Variants in PCDH7 observed in about 807,000 individuals in gnomAD.
The protein encoded by PCDH7 is protocadherin 7.
In PCDH7, 17 loss-of-function variants were observed where a neutral mutation model predicts 58.9. The observed-to-expected ratio is 0.29, with a 90% confidence interval of 0.20 to 0.43. The LOEUF (loss-of-function observed/expected upper bound fraction) is 0.43. PCDH7 is among the 20% of genes least tolerant of loss of function. The pLI, the probability that PCDH7 is intolerant of heterozygous loss-of-function variation, is 1.00. For synonymous variants in PCDH7, 664 were observed against 616.4 expected, an observed-to-expected ratio of 1.08 and a Z score of -1.14; for missense variants, 1,274 against 1,441.0, an observed-to-expected ratio of 0.88 and a Z score of 1.88.
intron 1 of PCDH7, among the ~76,000 whole-genome samples, chr4:30,761,137 G>A (rs1035806960): frequency 6.6e-6 from 1 of 152,160 alleles, no homozygotes; most frequent in African/African-American, 2.4e-5. Flanking sequence ...CTTTTAGCTG[G>A]AACATCCAGA....
intron 1 of PCDH7, among the ~76,000 whole-genome samples, chr4:30,756,876 C>T (rs1719374991): frequency 6.6e-6 from 1 of 152,130 alleles, no homozygotes; most frequent in Admixed American, 6.5e-5. Context: ...CTGGCCTACG[C>T]CTTAATCTCC....
chr4:30,781,045 T>C (rs1434083171), intron 1 of PCDH7, among the ~76,000 whole-genome samples: 3 of 152,120 alleles, frequency 2.0e-5, no homozygotes, highest in Non-Finnish European at 4.4e-5. Flanking sequence ...AAATAAAAGT[T>C]TCCTCAGAAC....
chr4:31,075,865 G>A (rs932266030), intron 3 of PCDH7, among the ~76,000 whole-genome samples: 8 of 152,000 alleles, frequency 5.3e-5, no homozygotes, highest in African/African-American at 1.7e-4. Flanking sequence ...AATTTCTTCA[G>A]TGTATCTCCA....
In PCDH7 at chr4:31,020,375, C is replaced by T. The variant is rs543543643; in HGVS notation, c.*7+70160C>T. Among the ~76,000 whole-genome samples, 103 of 152,270 alleles carry T rather than the reference C, an allele frequency of 6.8e-4. 1 individual carries two copies. Among genetic ancestry groups the T allele is most frequent in the Admixed American group, 2.2e-3 (33 of 15,300 alleles). ...CCTCTCTCTCTCCCTCTCTCGCACGCGCGTGCACATGCACGTTCACCCTTG... is the reference window on the plus strand; with the variant it reads ...CCTCTCTCTCTCCCTCTCTCGCACGTGCGTGCACATGCACGTTCACCCTTG... On this transcript the variant is annotated intron_variant, in intron 3 of 3. Transcript: ENST00000509759.
At chr4:30,914,971 A>G (rs1742252673) in intron 1 of PCDH7, among the ~76,000 whole-genome samples, 2 of 152,160 alleles carry the variant, frequency 1.3e-5, no homozygotes, top group Non-Finnish European at 2.9e-5. Context: ...ATACCCCATT[A>G]ATAAAATTCC....
intron 1 of PCDH7, among the ~76,000 whole-genome samples, chr4:30,832,917 G>A (rs943018610): frequency 3.3e-5 from 5 of 152,172 alleles, no homozygotes; most frequent in African/African-American, 1.2e-4. Flanking sequence ...ACTCAGTGTA[G>A]GTCACAGAAG....
At chr4:31,027,958 A>G (rs997591555) in intron 3 of PCDH7, among the ~76,000 whole-genome samples, 1 of 152,204 alleles carries the variant, frequency 6.6e-6, no homozygotes, top group African/African-American at 2.4e-5. Context: ...TCCTGTGGAA[A>G]TTAAATTAGC....
intron 1 of PCDH7, among the ~76,000 whole-genome samples, chr4:30,860,417 C>CTT (rs34560786): frequency 2.0e-5 from 3 of 148,534 alleles, no homozygotes; most frequent in African/African-American, 7.4e-5. Context: ...ATAATTAAGT[C>CTT]TTTTTTTTTT....
At chr4:30,753,736 G>T (rs1451482112) in intron 1 of PCDH7, among the ~76,000 whole-genome samples, 1 of 152,130 alleles carries the variant, frequency 6.6e-6, no homozygotes, top group African/African-American at 2.4e-5. Context: ...GAATGAAGAA[G>T]ACATAAACAT....
chr4:30,882,521 G>A (rs1276131411), intron 1 of PCDH7, among the ~76,000 whole-genome samples: 1 of 152,074 alleles, frequency 6.6e-6, no homozygotes, highest in Non-Finnish European at 1.5e-5. Flanking sequence ...CAAAGTGCTG[G>A]GATTACAAGT....
Position 30,721,176 on chromosome 4 carries a change from A to G in PCDH7, c.-247A>G, listed in dbSNP as rs1443069649. On this transcript the variant is annotated 5_prime_UTR_variant, in exon 1 of 2. The change abolishes an upstream ATG in the 5' untranslated region. Coordinates refer to ENST00000361762, the Ensembl canonical transcript of PCDH7. The surrounding 1 kb of genome is among the most constrained non-coding windows in gnomAD (Gnocchi z 6.7). ...CGAGCGGGCGATTAGCACCCATTGCATGAATTATGAAACAATAACTTTCGG... is the reference window on the plus strand; with the variant it reads ...CGAGCGGGCGATTAGCACCCATTGCGTGAATTATGAAACAATAACTTTCGG... The G allele has an allele frequency of 7.8e-6, 4 of 514,020 alleles. No homozygotes were observed. Among genetic ancestry groups the G allele is most frequent in the African/African-American group, 2.0e-5 (1 of 50,366 alleles). The allele number at this position is 514,020 out of a possible 1,614,324, so 31.8% of individuals were successfully genotyped here.
intron 3 of PCDH7, among the ~76,000 whole-genome samples, chr4:30,966,677 G>C (rs1749023884): frequency 1.3e-5 from 2 of 151,878 alleles, no homozygotes; most frequent in Non-Finnish European, 2.9e-5. Context: ...TTAGCCCAAA[G>C]GTTCCATATT....
chr4:30,745,248 GTT>G (rs60062972), intron 1 of PCDH7, among the ~76,000 whole-genome samples: 68,665 of 146,710 alleles, frequency 0.47, 16,264 homozygotes, highest in Middle Eastern at 0.53. Flanking sequence ...TTTACATCTT[GTT>G]TTTTTTTTTT....
chr4:30,914,090 A>C (rs1742108282), intron 1 of PCDH7, among the ~76,000 whole-genome samples: 2 of 152,072 alleles, frequency 1.3e-5, no homozygotes, highest in South Asian at 2.1e-4. Context: ...CAGATAGAGG[A>C]CCTCTCCCTT....
intron 1 of PCDH7, among the ~76,000 whole-genome samples, chr4:30,765,069 A>G (rs1330417454): frequency 6.8e-6 from 1 of 147,432 alleles, no homozygotes; most frequent in Non-Finnish European, 1.5e-5. Context: ...TGCTTGGGAA[A>G]TGTCCTTTGC....
At position 30,721,926 on chromosome 4, in the gene PCDH7, C is replaced by A; in HGVS notation, c.504C>A (p.Thr168=). The A allele has an allele frequency of 3.8e-6, 6 of 1,570,134 alleles. No homozygotes were observed. The highest frequency in any genetic ancestry group is 5.2e-6 in the Non-Finnish European group (6 of 1,162,714). ...CACTTTACCTGCTGCCCACAGCCACCGACCGCGACTTCGGCCGCAACGGCA... is the reference window on the plus strand; with the variant it reads ...CACTTTACCTGCTGCCCACAGCCACAGACCGCGACTTCGGCCGCAACGGCA... Residue 168 remains threonine, a synonymous_variant, in exon 1 of 2, where the codon ACC becomes ACA. Transcript: ENST00000361762. This position sits in a 1 kb window ranked among gnomAD's most constrained non-coding sequence, Gnocchi z 6.7.
intron 1 of PCDH7, among the ~76,000 whole-genome samples, chr4:30,773,560 G>A (rs1334050688): frequency 6.6e-6 from 1 of 151,974 alleles, no homozygotes; most frequent in Non-Finnish European, 1.5e-5. Flanking sequence ...AGATTCAACA[G>A]AGTGGAATGA....
chr4:30,872,125 A>C (rs966622784), intron 1 of PCDH7, among the ~76,000 whole-genome samples: 1 of 152,104 alleles, frequency 6.6e-6, no homozygotes, highest in Non-Finnish European at 1.5e-5. Flanking sequence ...TTAGCCCATA[A>C]CAGATAAATT....
intron 1 of PCDH7, among the ~76,000 whole-genome samples, chr4:30,905,356 C>T (rs987924263): frequency 1.3e-4 from 20 of 151,810 alleles, no homozygotes; most frequent in Non-Finnish European, 1.6e-4. Flanking sequence ...GTAGGTTTAT[C>T]GACCTCATTC....
Sources: gnomAD v4.1 joint callset for allele counts (sites outside exome capture counted in the v4.1 genomes callset) on GRCh38, gnomAD v4.1.1 for gene constraint, Gnocchi (gnomAD v3.1) non-coding constraint, MANE v1.5 for transcripts, NCBI Gene and HGNC (gene_info 2026-07-23, HGNC 2026-07-21) for gene names.